The following ERBB2 variants were observed in gnomAD, a reference collection of about 807,000 sequenced individuals.
The protein encoded by ERBB2 is erb-b2 receptor tyrosine kinase 2, also known as receptor tyrosine-protein kinase erbB-2.
In ERBB2, 61 loss-of-function variants were observed where a neutral mutation model predicts 149.0. The ratio of observed to expected loss-of-function variants is 0.41; its 90% CI spans 0.33 to 0.51. ERBB2 has a LOEUF of 0.51. Among genes scored for constraint, ERBB2 ranks in the 20% least tolerant of loss-of-function variants. ERBB2 has a pLI of 0.25. For missense variants in ERBB2, 1,205 were observed against 1,655.1 expected (o/e 0.73, Z 4.72); for synonymous variants, 633 against 678.8 (o/e 0.93, Z 1.05).
upstream of ERBB2, chr17:39,699,547 G>A: frequency 4.6e-6 from 7 of 1,534,812 alleles, no homozygotes; most frequent in Non-Finnish European, 5.2e-6. Context: ...ATACTTCAAA[G>A]ATTCCAGAAG....
Position 39,717,263 on chromosome 17 carries a change from C to G in ERBB2, c.1738-57C>G. The stretch of plus-strand genomic sequence containing the variant: ...AGGGGACCCAACTAAGGGCCTGATC[C>G]TACTGCCCTGGGGGTGTCAGTGCCA... On this transcript the variant is annotated intron_variant, in intron 14 of 26. Coordinates refer to ENST00000269571, the MANE Select transcript of ERBB2 (RefSeq NM_004448.4). The G allele has an allele frequency of 2.1e-6, 3 of 1,456,678 alleles. No homozygotes were observed. The African/African-American group carries it at 4.2e-5, about 21-fold the overall frequency. The allele number at this position is 1,456,678 out of a possible 1,614,324, so 90.2% of individuals were successfully genotyped here. A position where few individuals can be genotyped will look rare whatever the true frequency, so the allele number is the denominator to read the frequency against.
chr17:39,695,822 G>T (rs2145221916), upstream of ERBB2, among the ~76,000 whole-genome samples: 1 of 151,036 alleles, frequency 6.6e-6, no homozygotes, highest in East Asian at 2.0e-4. Context: ...CAGGCCGCTG[G>T]TTGCAGCCCC....
At chr17:39,699,985 C>T (rs2057985271), upstream of ERBB2, 3 of 1,264,516 alleles carry the variant, frequency 2.4e-6, no homozygotes, top group Non-Finnish European at 3.0e-6. Context: ...CGCGCTTGCT[C>T]CCAATCACAG....
chr17:39,702,897 A>C (rs1319635484), intron 1 of ERBB2, among the ~76,000 whole-genome samples: 1 of 152,224 alleles, frequency 6.6e-6, no homozygotes, highest in Non-Finnish European at 1.5e-5. Flanking sequence ...TTGGACTCTG[A>C]AGAGGAGGCA....
At position 39,723,615 on chromosome 17, in the gene ERBB2, G is replaced by T; in HGVS notation, c.2163G>T (p.Arg721Ser). The change falls in exon 18 of 27, where the codon AGG becomes AGT. Residue 721 changes from arginine to serine, a missense_variant. Coordinates refer to ENST00000269571, the MANE Select transcript of ERBB2 (RefSeq NM_004448.4). The surrounding 1 kb of genome is among the most constrained non-coding windows in gnomAD (Gnocchi z 6.2). ...GGATCCTGAAAGAGACGGAGCTGAG[G>T]AAGGTGAAGGTGCTTGGATCTGGCG... ...QMRILKETEL[R>S]KVKVLGSGAF... 1 of 1,606,606 alleles carries T rather than the reference G, an allele frequency of 6.2e-7. No homozygotes were observed. The highest frequency in any genetic ancestry group is 2.2e-5 in the East Asian group (1 of 44,618).
rs750833255 is a variant in ERBB2, at chr17:39,723,308, T to TCCG, written c.1947-8_1947-6dup. The TCCG allele has an allele frequency of 2.5e-6, 4 of 1,613,518 alleles. No homozygotes were observed. The South Asian group carries it at 4.4e-5, about 18-fold the overall frequency. ...TAGCCCTCAATCCCTGACCCTGGCT[T>TCCG]CCGCCCCCAGCCCTCTGACGTCCAT... On this transcript the variant is annotated splice_polypyrimidine_tract_variant and intron_variant, in intron 16 of 26. Coordinates refer to ENST00000269571, the MANE Select transcript of ERBB2 (RefSeq NM_004448.4). This position sits in a 1 kb window ranked among gnomAD's most constrained non-coding sequence, Gnocchi z 6.2.
intron 14 of ERBB2, 100 bp from the exon 15 acceptor site, chr17:39,717,220 T>C: frequency 1.0e-6 from 1 of 957,260 alleles, no homozygotes; most frequent in Non-Finnish European, 1.5e-6. Context: ...TGCTGCTGGG[T>C]GGCCTTGGGA....
rs775382058 is a variant in ERBB2, at chr17:39,708,354, G to C, written c.259G>C (p.Ala87Pro). 1 of 1,614,088 alleles carries C rather than the reference G, an allele frequency of 6.2e-7. No individual in the cohort carries two copies. Among genetic ancestry groups the C allele is most frequent in the Non-Finnish European group, 8.5e-7 (1 of 1,180,010 alleles). Residue 87 changes from alanine to proline, a missense_variant, in exon 3 of 27, where the codon GCT (alanine) becomes CCT (proline). Ala to Pro is a conservative substitution (Grantham distance 27). Coordinates refer to ENST00000269571, the MANE Select transcript of ERBB2 (RefSeq NM_004448.4). ...IQEVQGYVLI[A>P]HNQVRQVPLQ... ...GGAGGTGCAGGGCTACGTGCTCATC[G>C]CTCACAACCAAGTGAGGCAGGTCCC...
chr17:39,726,349 A>T lies in ERBB2; in HGVS notation c.2873-213A>T. On this transcript the variant is annotated intron_variant, in intron 23 of 26. Transcript: ENST00000269571. This position sits in a 1 kb window ranked among gnomAD's most constrained non-coding sequence, Gnocchi z 5.1. ...CCTCATCTCAAAAAAATAAAAAAGCAAACAAAAAGAAAAAAAAAATTAAAA... is the reference window on the plus strand; with the variant it reads ...CCTCATCTCAAAAAAATAAAAAAGCTAACAAAAAGAAAAAAAAAATTAAAA... The T allele has an allele frequency of 1.8e-6, 1 of 569,506 alleles. No individual in the cohort carries two copies. Among genetic ancestry groups the T allele is most frequent in the South Asian group, 2.3e-5 (1 of 44,222 alleles). 35.3% of individuals were successfully genotyped at this position (569,506 alleles called of 1,614,324 possible). A position where few individuals can be genotyped will look rare whatever the true frequency, so the allele number is the denominator to read the frequency against.
upstream of ERBB2, among the ~76,000 whole-genome samples, chr17:39,691,572 T>C (rs866460282): frequency 1.9e-4 from 23 of 121,554 alleles, no homozygotes; most frequent in Admixed American, 2.3e-4. Context: ...TATATATATA[T>C]ATACACACAC....
intron 16 of ERBB2, chr17:39,720,312 C>T (rs1162005613): frequency 6.1e-6 from 1 of 163,928 alleles, no homozygotes. Flanking sequence ...ATCAGGAAAT[C>T]CAGGATGTCT....
Position 39,725,652 on chromosome 17 carries a change from C to G in ERBB2, c.2726-55C>G. ...AGACTCCTGAGCAGAACCTCTGGCT[C>G]AGTACACTAAAGCTCCCTCTGGCCC... On this transcript the variant is annotated intron_variant, in intron 22 of 26. Coordinates refer to ENST00000269571, the MANE Select transcript of ERBB2 (RefSeq NM_004448.4). This position sits in a 1 kb window ranked among gnomAD's most constrained non-coding sequence, Gnocchi z 4.6. 6.4e-7 allele frequency: 1 copy of G among 1,553,110 alleles called. No individual in the cohort carries two copies. The highest frequency in any genetic ancestry group is 8.7e-7 in the Non-Finnish European group (1 of 1,146,356).
chr17:39,706,245 C>T (rs2058431826), intron 1 of ERBB2, among the ~76,000 whole-genome samples: 1 of 152,236 alleles, frequency 6.6e-6, no homozygotes, highest in Non-Finnish European at 1.5e-5. Context: ...ATTCTGCCAG[C>T]TGGTTCTGGA....
chr17:39,727,221 C>A lies in ERBB2; in HGVS notation c.3160-74C>A, dbSNP rs1407484778. On this transcript the variant is annotated intron_variant, in intron 25 of 26. Transcript: ENST00000269571. The surrounding 1 kb of genome is among the most constrained non-coding windows in gnomAD (Gnocchi z 4.3). The stretch of plus-strand genomic sequence containing the variant: ...GTGACCTCTGTTTTTCTCCTGTGAC[C>A]CTGTCACCTTCCATGGAGTCCCCAT... The A allele has an allele frequency of 2.7e-5, 42 of 1,551,464 alleles. No individual in the cohort carries two copies. Among genetic ancestry groups the A allele is most frequent in the Non-Finnish European group, 3.6e-5 (41 of 1,138,476 alleles).
chr17:39,725,521 C>A lies in ERBB2; in HGVS notation c.2725+119C>A. 1.6e-6 allele frequency: 2 copies of A among 1,243,316 alleles called. No individual in the cohort carries two copies. The highest frequency in any genetic ancestry group is 2.3e-6 in the Non-Finnish European group (2 of 868,650). 77.0% of individuals were successfully genotyped at this position (1,243,316 alleles called of 1,614,324 possible). A position where few individuals can be genotyped will look rare whatever the true frequency, so the allele number is the denominator to read the frequency against. On this transcript the variant is annotated intron_variant, in intron 22 of 26. Coordinates refer to ENST00000269571, the MANE Select transcript of ERBB2 (RefSeq NM_004448.4). The surrounding 1 kb of genome is among the most constrained non-coding windows in gnomAD (Gnocchi z 4.6). ...GCATGTGAAGGGAGGGAAGGGGCTG[C>A]CTGTGCCCCACCTTGCAGGGTCTGT... is the stretch of plus-strand genomic sequence containing the variant.
intron 9 of ERBB2, 99 bp downstream of exon 9, chr17:39,712,547 TG>T: frequency 7.0e-7 from 1 of 1,419,246 alleles, no homozygotes; most frequent in Non-Finnish European, 9.6e-7. Flanking sequence ...GAGACAGAAG[TG>T]GGGGGATCAA....
chr17:39,723,204 C>CCG lies in ERBB2; in HGVS notation c.1947-115_1947-114insCG. 9.1e-7 allele frequency: 1 copy of CCG among 1,097,718 alleles called. No homozygotes were observed. The highest frequency in any genetic ancestry group is 1.6e-5 in the African/African-American group (1 of 64,400). 68.0% of individuals were successfully genotyped at this position (1,097,718 alleles called of 1,614,324 possible). A position where few individuals can be genotyped will look rare whatever the true frequency, so the allele number is the denominator to read the frequency against. On this transcript the variant is annotated intron_variant, in intron 16 of 26. Transcript: ENST00000269571. The surrounding 1 kb of genome is among the most constrained non-coding windows in gnomAD (Gnocchi z 6.2). The stretch of plus-strand genomic sequence containing the variant: ...TAGGAGAGGGTCCAAGCCTGTGGGT[C>CCG]ACCCTTCCGACTTCCCTTTCCGAAT...
chr17:39,707,119 A>G lies in ERBB2; in HGVS notation c.203A>G (p.Asn68Ser), dbSNP rs757899978. 20 of 1,592,478 alleles carry G rather than the reference A, an allele frequency of 1.3e-5. No individual in the cohort carries two copies. The highest frequency in any genetic ancestry group is 8.7e-5 in the Admixed American group (5 of 57,698). ...CTGGAACTCACCTACCTGCCCACCA[A>G]TGCCAGCCTGTCCTTCCTGCAGGTG... is the stretch of plus-strand genomic sequence containing the variant. ...GNLELTYLPT[N>S]ASLSFLQDIQ... is the part of the protein sequence containing the mutation. The change falls in exon 2 of 27, where the codon AAT becomes AGT. Residue 68 changes from asparagine to serine, a missense_variant. By Grantham distance (46) the Asn-to-Ser change is conservative (BLOSUM62 1). Coordinates refer to ENST00000269571, the MANE Select transcript of ERBB2 (RefSeq NM_004448.4).
In ERBB2 at chr17:39,715,778, G is replaced by A. The variant is rs1047793418; in HGVS notation, c.1352G>A (p.Ser451Asn). 4 of 1,608,392 alleles carry A rather than the reference G, an allele frequency of 2.5e-6. No homozygotes were observed. The African/African-American group carries it at 4.0e-5, about 16-fold the overall frequency. The part of the protein sequence containing the change: ...YSLTLQGLGI[S>N]WLGLRSLREL... Reference sequence around the variant, plus strand: ...CTGACCCTGCAAGGGCTGGGCATCAGCTGGCTGGGGCTGCGCTCACTGAGG... The same window carrying A: ...CTGACCCTGCAAGGGCTGGGCATCAACTGGCTGGGGCTGCGCTCACTGAGG... The change falls in exon 12 of 27, where the codon AGC (serine) becomes AAC (asparagine). Residue 451 changes from serine to asparagine, a missense_variant. Around this residue, in one of 6 missense-constraint regions of ERBB2, gnomAD observed 569 missense variants for 803.5 expected, o/e 0.71. Coordinates refer to ENST00000269571, the MANE Select transcript of ERBB2 (RefSeq NM_004448.4).
Sources: allele counts gnomAD v4.1 joint callset (sites outside exome capture counted in the v4.1 genomes callset), GRCh38; gene constraint gnomAD v4.1.1; regional missense constraint gnomAD v4.1.1; non-coding constraint Gnocchi (gnomAD v3.1); transcripts MANE v1.5; gene names NCBI Gene and HGNC (gene_info 2026-07-23, HGNC 2026-07-21).